Variants in SASH1 observed in about 807,000 individuals in gnomAD.
SASH1 encodes SAM and SH3 domain-containing protein 1.
SASH1 carries 44 observed loss-of-function variants against 125.2 expected under a neutral mutation model. The ratio of observed to expected loss-of-function variants is 0.35; its 90% confidence interval spans 0.28 to 0.45. SASH1 has a LOEUF of 0.45. Among genes scored for constraint, SASH1 ranks in the 20% least tolerant of loss-of-function variants. SASH1 has a pLI of 1.00. For synonymous variants in SASH1, 639 were observed against 649.1 expected (o/e 0.98, Z 0.24); for missense variants, 1,426 against 1,614.5 (o/e 0.88, Z 2.00).
intron 2 of SASH1, among the ~76,000 whole-genome samples, chr6:148,434,062 GATTTTTTT>G (rs1776180864): frequency 8.3e-6 from 1 of 120,292 alleles, no homozygotes; most frequent in Non-Finnish European, 1.7e-5. Context: ...GGGAACTGGA[GATTTTTTT>G]TTTTTTTTTT....
At chr6:148,229,150 A>C in the SASH1 span, among the ~76,000 whole-genome samples, 3 of 144,248 alleles carry the variant, frequency 2.1e-5, no homozygotes, top group South Asian at 2.1e-4. Flanking sequence ...AAAAAAAAAA[A>C]AAAAAAACAC....
chr6:148,216,844 C>A, the SASH1 span, among the ~76,000 whole-genome samples: 1 of 152,064 alleles, frequency 6.6e-6, no homozygotes, highest in Admixed American at 6.6e-5. Flanking sequence ...AATTCTCATG[C>A]CTCAGGCTCC....
At chr6:148,517,780 C>G (rs890242198) in intron 9 of SASH1, among the ~76,000 whole-genome samples, 18 of 152,236 alleles carry the variant, frequency 1.2e-4, no homozygotes, top group African/African-American at 4.3e-4. Context: ...ATTGGAATCT[C>G]TGACAACAAT....
At chr6:148,286,696 G>A (rs1048322361) in intron 1 of SASH1, among the ~76,000 whole-genome samples, 6 of 152,158 alleles carry the variant, frequency 3.9e-5, no homozygotes, top group Admixed American at 2.6e-4. Context: ...CCAGTCATAC[G>A]GATTAGAGCC....
At chr6:148,218,227 G>GA in the SASH1 span, among the ~76,000 whole-genome samples, 25 of 146,186 alleles carry the variant, frequency 1.7e-4, no homozygotes, top group Non-Finnish European at 2.3e-4. Flanking sequence ...GAAATGAAAT[G>GA]AAAAAAAAAT....
In SASH1 at chr6:148,542,882, G is replaced by GCA. The variant is rs906914921; in HGVS notation, c.2210-797_2210-796insAC. 6.8e-3 allele frequency among the ~76,000 whole-genome samples: 1,030 copies of GCA among 151,956 alleles called. 9 individuals carry two copies. Among genetic ancestry groups the GCA allele is most frequent in the African/African-American group, 0.023 (943 of 41,434 alleles). ...TGTGTGTGTGTGTGTGTGTGTGTGC[G>GCA]CGCGCACATGTAAGTACTGATGAGA... On this transcript the variant is annotated intron_variant, in intron 17 of 19. Transcript: ENST00000367467.
the SASH1 span, among the ~76,000 whole-genome samples, chr6:148,226,449 C>T: frequency 6.6e-6 from 1 of 152,112 alleles, no homozygotes; most frequent in South Asian, 2.1e-4. Context: ...TCAGGATGCT[C>T]ATTATATATG....
intron 12 of SASH1, 97 bp from the exon 13 acceptor site, chr6:148,531,429 A>G (rs1781508777): frequency 5.5e-6 from 6 of 1,093,978 alleles, no homozygotes; most frequent in East Asian, 5.6e-5. Context: ...GTATAGATTG[A>G]TTTGATTGAT....
At chr6:148,407,394 T>C (rs1390895166) in intron 2 of SASH1, among the ~76,000 whole-genome samples, 2 of 152,226 alleles carry the variant, frequency 1.3e-5, no homozygotes, top group Admixed American at 1.3e-4. Context: ...ATCTGTCTTG[T>C]AGCATGTGTC....
the SASH1 span, among the ~76,000 whole-genome samples, chr6:148,255,677 G>A: frequency 2.0e-5 from 3 of 151,690 alleles, no homozygotes; most frequent in Non-Finnish European, 2.9e-5. Context: ...TTTCCCCATT[G>A]CCCAGGCTGG....
At chr6:148,279,123 C>G (rs1779266788) in intron 1 of SASH1, among the ~76,000 whole-genome samples, 1 of 152,108 alleles carries the variant, frequency 6.6e-6, no homozygotes, top group Non-Finnish European at 1.5e-5. Flanking sequence ...TCCCAAGTAG[C>G]TGGGACTACA....
At chr6:148,307,424 C>T (rs1260981285) in intron 1 of SASH1, among the ~76,000 whole-genome samples, 1 of 151,938 alleles carries the variant, frequency 6.6e-6, no homozygotes, top group Non-Finnish European at 1.5e-5. Context: ...CCAGCACAAC[C>T]TTTATAGGCA....
chr6:148,239,625 G>C, the SASH1 span, among the ~76,000 whole-genome samples: 1 of 151,516 alleles, frequency 6.6e-6, no homozygotes, highest in African/African-American at 2.4e-5. Flanking sequence ...GCGAATCATT[G>C]TCTTTCTTGT....
rs879638381 is a variant in SASH1, at chr6:148,447,692, T to TC, written c.386+7286dup. Among the ~76,000 whole-genome samples, 352 of 151,272 alleles carry TC rather than the reference T, an allele frequency of 2.3e-3. 2 individuals carry two copies. Among genetic ancestry groups the TC allele is most frequent in the Non-Finnish European group, 4.1e-3 (275 of 67,732 alleles). ...TTGTTCTTCCTCCTCTTCTTCTTCC[T>TC]CTTCTCCTCTTCCTCCTTCTCCTCC... On this transcript the variant is annotated intron_variant, in intron 4 of 19. Transcript: ENST00000367467.
At chr6:148,308,398 T>A (rs1261329472) in intron 1 of SASH1, among the ~76,000 whole-genome samples, 3 of 70,716 alleles carry the variant, frequency 4.2e-5, no homozygotes, top group Non-Finnish European at 6.4e-5. Flanking sequence ...ACTTAGGAGC[T>A]TTTTTTTTTT....
chr6:148,203,244 CATT>C, the SASH1 span, among the ~76,000 whole-genome samples: 5 of 152,294 alleles, frequency 3.3e-5, no homozygotes, highest in African/African-American at 1.2e-4. Flanking sequence ...AGGTATTTGG[CATT>C]ATAATTCCCA....
At chr6:148,196,512 C>T in the SASH1 span, among the ~76,000 whole-genome samples, 3 of 152,196 alleles carry the variant, frequency 2.0e-5, no homozygotes, top group Non-Finnish European at 4.4e-5. Flanking sequence ...CTGATCATCT[C>T]CTCCCAAGAG....
At chr6:148,465,905 T>TC (rs1777812813) in intron 4 of SASH1, among the ~76,000 whole-genome samples, 1 of 152,034 alleles carries the variant, frequency 6.6e-6, no homozygotes, top group African/African-American at 2.4e-5. Context: ...CTCCTCCCCT[T>TC]CCCCCTCGTC....
At chr6:148,408,782 A>G (rs189279724) in intron 2 of SASH1, among the ~76,000 whole-genome samples, 12 of 152,180 alleles carry the variant, frequency 7.9e-5, no homozygotes, top group African/African-American at 2.9e-4. Context: ...GTTGTCTTGT[A>G]AGAGTTTTAC....
Sources: allele counts gnomAD v4.1 joint callset (sites outside exome capture counted in the v4.1 genomes callset), GRCh38; gene constraint gnomAD v4.1.1; transcripts MANE v1.5; gene names NCBI Gene and HGNC (gene_info 2026-07-23, HGNC 2026-07-21).